Variants in B3GALT1 observed in about 807,000 individuals in gnomAD.
B3GALT1 encodes UDP-Gal:betaGlcNAc beta 1,3-galactosyltransferase, polypeptide 1.
Under a neutral mutation model 23.2 loss-of-function variants are expected in B3GALT1, and 10 were observed. The observed-to-expected ratio is 0.43, with a 90% confidence interval of 0.27 to 0.73. The LOEUF (loss-of-function observed/expected upper bound fraction) is 0.73, where lower values mean the gene tolerates loss of function less well. B3GALT1 is among the 30% of genes least tolerant of loss of function. B3GALT1 has a pLI of 0.21. For synonymous variants in B3GALT1, 156 were observed against 141.5 expected (o/e 1.10, Z -0.73); for missense variants, 299 against 405.4 (o/e 0.74, Z 2.25).
chr2:167,316,399 TTAAG>T (rs1293089980), intron 1 of B3GALT1, among the ~76,000 whole-genome samples: 3 of 152,164 alleles, frequency 2.0e-5, no homozygotes, highest in Non-Finnish European at 4.4e-5. Context: ...CTAATTTTAC[TTAAG>T]TATGACTTAA....
intron 1 of B3GALT1, among the ~76,000 whole-genome samples, chr2:167,325,094 T>A (rs1696871978): frequency 6.6e-6 from 1 of 152,162 alleles, no homozygotes; most frequent in Admixed American, 6.5e-5. Flanking sequence ...TTTTAAAAAG[T>A]CCCATTTATC....
chr2:167,380,360 G>A (rs1053885821), intron 1 of B3GALT1, among the ~76,000 whole-genome samples: 1 of 152,060 alleles, frequency 6.6e-6, no homozygotes, highest in Admixed American at 6.6e-5. Context: ...TGCCAAGCTG[G>A]CCCTCACTAA....
chr2:167,747,714 C>T (rs1687673535), intron 3 of B3GALT1, among the ~76,000 whole-genome samples: 1 of 152,184 alleles, frequency 6.6e-6, no homozygotes, highest in Non-Finnish European at 1.5e-5. Flanking sequence ...TGCGGAATTT[C>T]ATCTGGGATC....
At chr2:167,789,346 C>A (rs1276966734) in intron 3 of B3GALT1, among the ~76,000 whole-genome samples, 1 of 152,118 alleles carries the variant, frequency 6.6e-6, no homozygotes, top group African/African-American at 2.4e-5. Context: ...AGTTTTAACC[C>A]TGACTCTGTC....
chr2:167,473,439 ATAAAG>A (rs975103032), intron 1 of B3GALT1, among the ~76,000 whole-genome samples: 2 of 152,192 alleles, frequency 1.3e-5, no homozygotes, highest in Admixed American at 6.6e-5. Flanking sequence ...CATAAATACA[ATAAAG>A]TAAACATGTT....
intron 3 of B3GALT1, among the ~76,000 whole-genome samples, chr2:167,729,983 A>G (rs568490770): frequency 6.6e-6 from 1 of 152,198 alleles, no homozygotes; most frequent in South Asian, 2.1e-4. Context: ...GTAGTATGTG[A>G]GCCATCTTGG....
intron 3 of B3GALT1, among the ~76,000 whole-genome samples, chr2:167,718,605 G>A (rs1231090771): frequency 6.6e-6 from 1 of 152,150 alleles, no homozygotes; most frequent in Non-Finnish European, 1.5e-5. Context: ...TCATACAAAT[G>A]TATTTATTAT....
intron 2 of B3GALT1, among the ~76,000 whole-genome samples, chr2:167,601,833 A>G (rs918273993): frequency 2.0e-5 from 3 of 152,260 alleles, no homozygotes; most frequent in African/African-American, 7.2e-5. Flanking sequence ...CTTCACTTCA[A>G]CATAGACACA....
At chr2:167,817,681 T>C (rs1689022142) in intron 3 of B3GALT1, among the ~76,000 whole-genome samples, 1 of 152,182 alleles carries the variant, frequency 6.6e-6, no homozygotes. Context: ...AACAAATGCC[T>C]TTGATAAGAG....
intron 1 of B3GALT1, among the ~76,000 whole-genome samples, chr2:167,297,042 A>G (rs1458649764): frequency 6.6e-6 from 1 of 152,142 alleles, no homozygotes; most frequent in African/African-American, 2.4e-5. Flanking sequence ...TGAGAACAAT[A>G]ACACTGCGTA....
chr2:167,414,078 G>A (rs992715489), intron 1 of B3GALT1, among the ~76,000 whole-genome samples: 1 of 152,078 alleles, frequency 6.6e-6, no homozygotes, highest in Non-Finnish European at 1.5e-5. Flanking sequence ...AAAGTATACA[G>A]ATTTATTTAA....
At chr2:167,344,960 TC>T (rs1460841347) in intron 1 of B3GALT1, among the ~76,000 whole-genome samples, 2 of 152,124 alleles carry the variant, frequency 1.3e-5, no homozygotes, top group Non-Finnish European at 2.9e-5. Context: ...TAAAAGTAGT[TC>T]TCATTTGGAG....
At chr2:167,693,391 T>C (rs951484947) in intron 3 of B3GALT1, among the ~76,000 whole-genome samples, 19 of 152,088 alleles carry the variant, frequency 1.2e-4, no homozygotes, top group African/African-American at 4.3e-4. Context: ...GCTTTTCCCA[T>C]TTTAAAGCCC....
chr2:167,531,962 T>C (rs573895314), intron 2 of B3GALT1, among the ~76,000 whole-genome samples: 60 of 152,330 alleles, frequency 3.9e-4, no homozygotes, highest in Middle Eastern at 3.4e-3. Flanking sequence ...GGGTCAAGTG[T>C]TCTGAAAACT....
intron 2 of B3GALT1, among the ~76,000 whole-genome samples, chr2:167,566,096 A>C (rs59654043): frequency 0.11 from 16,303 of 151,884 alleles, 1,871 homozygotes; most frequent in African/African-American, 0.28. Context: ...GACTTGGAAC[A>C]AACCCAAATG....
chr2:167,785,891 C>T (rs1688335584), intron 3 of B3GALT1, among the ~76,000 whole-genome samples: 1 of 152,172 alleles, frequency 6.6e-6, no homozygotes, highest in Non-Finnish European at 1.5e-5. Context: ...GTTGACAAAG[C>T]TCTGTTCACC....
chr2:167,599,730 C>A (rs1684839857), intron 2 of B3GALT1, among the ~76,000 whole-genome samples: 1 of 152,170 alleles, frequency 6.6e-6, no homozygotes, highest in African/African-American at 2.4e-5. Flanking sequence ...AATTCAGATT[C>A]TTTATCACAA....
At chr2:167,530,627 A>C (rs1168183238) in intron 2 of B3GALT1, among the ~76,000 whole-genome samples, 1 of 152,202 alleles carries the variant, frequency 6.6e-6, no homozygotes, top group East Asian at 1.9e-4. Flanking sequence ...TTAAGGATCG[A>C]AGAGAATCCA....
intron 3 of B3GALT1, among the ~76,000 whole-genome samples, chr2:167,813,948 C>T (rs185795483): frequency 6.6e-6 from 1 of 151,318 alleles, no homozygotes; most frequent in East Asian, 1.9e-4. Context: ...GAATTCTTGG[C>T]TAATGTATCT....
Sources: allele counts gnomAD v4.1 joint callset (sites outside exome capture counted in the v4.1 genomes callset), GRCh38; gene constraint gnomAD v4.1.1; transcripts MANE v1.5; gene names NCBI Gene and HGNC (gene_info 2026-07-23, HGNC 2026-07-21).